Variants in FANCL observed in about 807,000 individuals in gnomAD.
FANCL encodes the protein E3 ubiquitin-protein ligase FANCL.
A neutral mutation model predicts 59.4 loss-of-function variants in FANCL; 69 were observed. That is an observed-to-expected ratio of 1.16 (90% CI 0.96 to 1.42). The LOEUF (loss-of-function observed/expected upper bound fraction) is 1.42, where lower values mean the gene tolerates loss of function less well. Ranked by LOEUF, FANCL falls within the 40% of genes most tolerant of loss-of-function variation. The pLI is 0.00. For missense variants in FANCL, 519 were observed against 447.2 expected, an observed-to-expected ratio of 1.16 and a Z score of -1.45; for synonymous variants, 180 against 147.1, an observed-to-expected ratio of 1.22 and a Z score of -1.62.
chr2:58,208,884 A>G (rs1690849891), intron 5 of FANCL, among the ~76,000 whole-genome samples: 1 of 152,202 alleles, frequency 6.6e-6, no homozygotes, highest in Non-Finnish European at 1.5e-5. Flanking sequence ...ACCTGCATAT[A>G]GAGAATCATT....
At chr2:58,159,957 A>C in intron 13 of FANCL, 151 bp downstream of exon 13, 1 of 1,524,790 alleles carries the variant, frequency 6.6e-7, no homozygotes. Flanking sequence ...AAGGAGTTTA[A>C]TGTTTTTGAT....
At chr2:58,210,702 A>G (rs1380397438) in intron 5 of FANCL, among the ~76,000 whole-genome samples, 3 of 152,206 alleles carry the variant, frequency 2.0e-5, no homozygotes, top group African/African-American at 7.2e-5. Context: ...CAACAGGGGT[A>G]TAGGCATTCG....
intron 2 of FANCL, among the ~76,000 whole-genome samples, chr2:58,231,794 G>C (rs920280629): frequency 2.6e-5 from 4 of 152,148 alleles, no homozygotes; most frequent in African/African-American, 9.7e-5. Context: ...GTATTTGTTA[G>C]TGAAGTGTAC....
chr2:58,181,636 A>G (rs1687949235), intron 7 of FANCL, among the ~76,000 whole-genome samples: 1 of 152,052 alleles, frequency 6.6e-6, no homozygotes, highest in African/African-American at 2.4e-5. Flanking sequence ...TGGGTGGAAG[A>G]AAGGATGAAT....
chr2:58,167,646 C>T (rs1015789962), intron 7 of FANCL, among the ~76,000 whole-genome samples: 2 of 151,932 alleles, frequency 1.3e-5, no homozygotes, highest in African/African-American at 4.8e-5. Flanking sequence ...AGAAAATAGC[C>T]AAAAACAAAA....
chr2:58,231,977 G>T, intron 2 of FANCL, 77 bp downstream of exon 2: 2 of 1,227,984 alleles, frequency 1.6e-6, no homozygotes, highest in Non-Finnish European at 2.4e-6. Flanking sequence ...CTAGTCACTA[G>T]AATCAATTTA....
intron 7 of FANCL, among the ~76,000 whole-genome samples, chr2:58,197,109 A>G (rs559668255): frequency 1.8e-4 from 27 of 151,276 alleles, no homozygotes; most frequent in Non-Finnish European, 3.4e-4. Flanking sequence ...TCTCTTCTCT[A>G]TTTTGCTATG....
At chr2:58,163,183 A>C in intron 9 of FANCL, 109 bp from the exon 10 acceptor site, 1 of 1,005,030 alleles carries the variant, frequency 9.9e-7, no homozygotes, top group East Asian at 2.6e-5. Context: ...AATCAAAATT[A>C]TATGTATTAT....
intron 5 of FANCL, among the ~76,000 whole-genome samples, chr2:58,211,417 T>C (rs1040390832): frequency 6.6e-6 from 1 of 152,148 alleles, no homozygotes; most frequent in Non-Finnish European, 1.5e-5. Flanking sequence ...TTTTTCCTCC[T>C]ACACCTCCAG....
chr2:58,169,788 G>A (rs765102215), intron 7 of FANCL, among the ~76,000 whole-genome samples: 13 of 151,748 alleles, frequency 8.6e-5, no homozygotes, highest in Admixed American at 1.3e-4. Flanking sequence ...TCAATCAAGC[G>A]GAAGAAAGGA....
rs780268295 is a variant in FANCL, at chr2:58,159,694, AGAT to A, written c.*68_*70del. The stretch of plus-strand genomic sequence containing the variant: ...ATTTCTTGCTTTATTTTTTCTCTGA[AGAT>A]GATACCAAAATTCCTTTTGATAATT... On this transcript the variant is annotated 3_prime_UTR_variant, in exon 14 of 14. Coordinates refer to ENST00000233741, the MANE Select transcript of FANCL (RefSeq NM_018062.4). The A allele has an allele frequency of 6.8e-6, 11 of 1,612,298 alleles. No individual in the cohort carries two copies. Among genetic ancestry groups the A allele is most frequent in the South Asian group, 3.3e-5 (3 of 90,720 alleles).
intron 4 of FANCL, among the ~76,000 whole-genome samples, chr2:58,223,806 A>C (rs1228489679): frequency 2.0e-5 from 3 of 151,952 alleles, no homozygotes; most frequent in Non-Finnish European, 4.4e-5. Context: ...TATATGCAGT[A>C]ATTACTAGGA....
chr2:58,211,565 C>T (rs576700327), intron 5 of FANCL, among the ~76,000 whole-genome samples: 5 of 152,290 alleles, frequency 3.3e-5, no homozygotes, highest in East Asian at 1.9e-4. Flanking sequence ...GCTCAGAAAA[C>T]GGGATTTTCT....
intron 7 of FANCL, among the ~76,000 whole-genome samples, chr2:58,188,806 G>A (rs1013213309): frequency 4.6e-5 from 7 of 151,256 alleles, no homozygotes; most frequent in Non-Finnish European, 7.4e-5. Flanking sequence ...TTTTGATTGC[G>A]AATGCATTGA....
chr2:58,209,846 A>G (rs1325420787), intron 5 of FANCL, among the ~76,000 whole-genome samples: 1 of 152,214 alleles, frequency 6.6e-6, no homozygotes, highest in Non-Finnish European at 1.5e-5. Flanking sequence ...TATGTTAAAA[A>G]TCTTCAAATG....
At chr2:58,161,761 T>A (rs995317424) in intron 11 of FANCL, 123 bp from the exon 12 acceptor site, 2 of 680,406 alleles carry the variant, frequency 2.9e-6, no homozygotes, top group Non-Finnish European at 5.4e-6. Flanking sequence ...GACATCAGGA[T>A]AATTAAGATA....
intron 5 of FANCL, among the ~76,000 whole-genome samples, chr2:58,205,116 G>GT (rs1558792101): frequency 6.6e-6 from 1 of 152,012 alleles, no homozygotes; most frequent in Non-Finnish European, 1.5e-5. Context: ...CAGGCTGATA[G>GT]TAAGACCCAT....
intron 7 of FANCL, among the ~76,000 whole-genome samples, chr2:58,175,575 A>T (rs968342561): frequency 2.0e-5 from 3 of 152,152 alleles, no homozygotes; most frequent in African/African-American, 7.2e-5. Flanking sequence ...CCTTTGACAA[A>T]ATTCAACAAC....
chr2:58,217,633 C>A (rs1294159150), intron 5 of FANCL, among the ~76,000 whole-genome samples: 1 of 151,626 alleles, frequency 6.6e-6, no homozygotes, highest in Non-Finnish European at 1.5e-5. Flanking sequence ...GGAAAACCAA[C>A]AAGGAAGATA....
Sources: allele counts gnomAD v4.1 joint callset (sites outside exome capture counted in the v4.1 genomes callset), GRCh38; gene constraint gnomAD v4.1.1; transcripts MANE v1.5; gene names NCBI Gene and HGNC (gene_info 2026-07-23, HGNC 2026-07-21).